Variants in GNA11 observed in about 807,000 individuals in gnomAD.
GNA11 encodes G protein subunit alpha 11, also known as guanine nucleotide-binding protein subunit alpha-11.
A neutral mutation model predicts 38.2 loss-of-function variants in GNA11; 8 were observed. The ratio of observed to expected loss-of-function variants is 0.21; its 90% CI spans 0.12 to 0.38. GNA11 has a LOEUF of 0.38. Among genes scored for constraint, GNA11 ranks in the 10% least tolerant of loss-of-function variants. The probability of loss-of-function intolerance (pLI) is 1.00; values close to 1 mark genes in which losing one functional copy is unlikely to be tolerated. For synonymous variants in GNA11, 211 were observed against 221.4 expected, an observed-to-expected ratio of 0.95 and a Z score of 0.42; for missense variants, 268 against 516.3, an observed-to-expected ratio of 0.52 and a Z score of 4.66.
intron 4 of GNA11, among the ~76,000 whole-genome samples, chr19:3,115,987 C>G (rs957464332): frequency 1.5e-5 from 2 of 135,754 alleles, no homozygotes; most frequent in African/African-American, 3.2e-5. Flanking sequence ...GAGGAGGGGT[C>G]ATAGGGACTG....
At chr19:3,095,583 A>C (rs1913344052) in intron 1 of GNA11, among the ~76,000 whole-genome samples, 1 of 142,692 alleles carries the variant, frequency 7.0e-6, no homozygotes, top group African/African-American at 2.7e-5. Context: ...CTTCAGGGCC[A>C]TTCTCCTGCC....
At chr19:3,104,003 G>A (rs913922792) in intron 1 of GNA11, among the ~76,000 whole-genome samples, 2 of 152,120 alleles carry the variant, frequency 1.3e-5, no homozygotes, top group African/African-American at 4.8e-5. Flanking sequence ...AAATTTTTTG[G>A]TAGAGACGGG....
At chr19:3,109,186 C>T (rs530511756) in intron 1 of GNA11, among the ~76,000 whole-genome samples, 3 of 152,168 alleles carry the variant, frequency 2.0e-5, no homozygotes, top group Admixed American at 2.0e-4. Flanking sequence ...GGCATCCCAG[C>T]GTGTGAGGGT....
chr19:3,116,096 G>A (rs889389210), intron 4 of GNA11, among the ~76,000 whole-genome samples: 2 of 151,990 alleles, frequency 1.3e-5, no homozygotes, highest in African/African-American at 2.4e-5. Flanking sequence ...CTGGGCCTCC[G>A]GGGCTCCAGG....
rs1397346454 is a variant in GNA11 at position 3,123,590 on chromosome 19, C to G, written c.*2411C>G. On this transcript the variant is annotated 3_prime_UTR_variant, in exon 7 of 7. Transcript: ENST00000078429. ...CCACCTTCTCCGACCATGTTACGCCCGGGCGGCAGCAGCCCCCGGCCACTG... is the reference window on the plus strand; with the variant it reads ...CCACCTTCTCCGACCATGTTACGCCGGGGCGGCAGCAGCCCCCGGCCACTG... 4.3e-6 allele frequency: 1 copy of G among 233,016 alleles called. No individual in the cohort carries two copies. Among genetic ancestry groups the G allele is most frequent in the Non-Finnish European group, 8.5e-6 (1 of 117,962 alleles). The allele number at this position is 233,016 out of a possible 1,614,324, so 14.4% of individuals were successfully genotyped here.
Position 3,121,276 on chromosome 19 carries a change from C to A in GNA11, c.*97C>A. ...GGCGGGTGGCGCTGCCGAGTCCGGGCCGGGGCCTCTGCCCGCGGGAGGAGA... is the reference window on the plus strand; with the variant it reads ...GGCGGGTGGCGCTGCCGAGTCCGGGACGGGGCCTCTGCCCGCGGGAGGAGA... On this transcript the variant is annotated 3_prime_UTR_variant, in exon 7 of 7. Transcript: ENST00000078429. The A allele has an allele frequency of 1.2e-6, 1 of 856,766 alleles. No homozygotes were observed. Among genetic ancestry groups the A allele is most frequent in the Non-Finnish European group, 1.8e-6 (1 of 548,282 alleles). The allele number at this position is 856,766 out of a possible 1,614,324, so 53.1% of individuals were successfully genotyped here. A position where few individuals can be genotyped will look rare whatever the true frequency, so the allele number is the denominator to read the frequency against.
chr19:3,113,349 G>A lies in GNA11; in HGVS notation c.341G>A (p.Arg114Gln), dbSNP rs541350337. 1.3e-5 allele frequency: 21 copies of A among 1,613,404 alleles called. No individual in the cohort carries two copies. Among genetic ancestry groups the A allele is most frequent in the East Asian group, 2.2e-5 (1 of 44,866 alleles). The change falls in exon 3 of 7, where the codon CGG becomes CAG. Residue 114 changes from arginine (R) to glutamine (Q), a missense_variant. Coordinates refer to ENST00000078429, the MANE Select transcript of GNA11 (RefSeq NM_002067.5). The part of the protein sequence containing the change: ...EQNKANALLI[R>Q]EVDVEKVTTF... ...TCGCAGGCCAATGCGCTCCTGATCC[G>A]GGAGGTGGACGTGGAGAAGGTGACC...
At chr19:3,096,361 C>T (rs1323152825) in intron 1 of GNA11, among the ~76,000 whole-genome samples, 2 of 152,190 alleles carry the variant, frequency 1.3e-5, no homozygotes, top group Non-Finnish European at 2.9e-5. Flanking sequence ...GCACTTTGCA[C>T]AGAGTGGCAC....
In GNA11 at chr19:3,121,212, C is replaced by T. The variant is rs1483254664; in HGVS notation, c.*33C>T. 5.8e-6 allele frequency: 9 copies of T among 1,540,160 alleles called. No homozygotes were observed. The highest frequency in any genetic ancestry group is 1.4e-5 in the African/African-American group (1 of 73,134). On this transcript the variant is annotated 3_prime_UTR_variant, in exon 7 of 7. Transcript: ENST00000078429. ...GGCCCAGGGAGACGGGATGGAGACA[C>T]GGGGCAGGACCTTCCTTCCACGGAG...
rs1002228454 is a variant in GNA11, at chr19:3,108,849, G to A, written c.137-1300G>A. Among the ~76,000 whole-genome samples, 1 of 152,112 alleles carries A rather than the reference G, an allele frequency of 6.6e-6. No individual in the cohort carries two copies. Among genetic ancestry groups the A allele is most frequent in the Non-Finnish European group, 1.5e-5 (1 of 68,034 alleles). ...TGAAGGCTGGACTGGAGCTGGAGGA[G>A]CCACTCACAAGTTGGCTCCCTCTAG... On this transcript the variant is annotated intron_variant, in intron 1 of 6. Coordinates refer to ENST00000078429, the MANE Select transcript of GNA11 (RefSeq NM_002067.5). The surrounding 1 kb of genome is among the most constrained non-coding windows in gnomAD (Gnocchi z 4.5).
chr19:3,119,734 G>A lies in GNA11; in HGVS notation c.889+375G>A, dbSNP rs1599308050. Among the ~76,000 whole-genome samples, 2 of 151,678 alleles carry A rather than the reference G, an allele frequency of 1.3e-5. No individual in the cohort carries two copies. The highest frequency in any genetic ancestry group is 2.1e-4 in the South Asian group (1 of 4,800). On this transcript the variant is annotated intron_variant, in intron 6 of 6. Coordinates refer to ENST00000078429, the MANE Select transcript of GNA11 (RefSeq NM_002067.5). This position sits in a 1 kb window ranked among gnomAD's most constrained non-coding sequence, Gnocchi z 4.6. ...GGGTCTTGTACGGGAGGGAGTTGTC[G>A]TATGGGGGTGTCCTGTATAGGTGAT...
chr19:3,114,002 C>T (rs578186095), intron 3 of GNA11, among the ~76,000 whole-genome samples: 60 of 152,278 alleles, frequency 3.9e-4, no homozygotes, highest in African/African-American at 1.4e-3. Flanking sequence ...GGGCCATGGC[C>T]GCAGGTGGAG....
chr19:3,102,464 G>T (rs778893628), intron 1 of GNA11, among the ~76,000 whole-genome samples: 1 of 152,202 alleles, frequency 6.6e-6, no homozygotes, highest in African/African-American at 2.4e-5. Context: ...CTCTCAGGGC[G>T]CCCCCTTGTC....
Position 3,122,154 on chromosome 19 carries a change from C to T in GNA11, c.*975C>T, listed in dbSNP as rs559912084. 43 of 233,236 alleles carry T rather than the reference C, an allele frequency of 1.8e-4. No homozygotes were observed. Among genetic ancestry groups the T allele is most frequent in the East Asian group, 3.6e-4 (6 of 16,558 alleles). The allele number at this position is 233,236 out of a possible 1,614,324, so 14.4% of individuals were successfully genotyped here. A position where few individuals can be genotyped will look rare whatever the true frequency, so the allele number is the denominator to read the frequency against. ...GGGAGAAAGGCCACTTGGATGGGGG[C>T]GTTTCTGTTTTGTTCCGCTTTGTGA... is the stretch of plus-strand genomic sequence containing the variant. On this transcript the variant is annotated 3_prime_UTR_variant, in exon 7 of 7. Coordinates refer to ENST00000078429, the MANE Select transcript of GNA11 (RefSeq NM_002067.5). This position sits in a 1 kb window ranked among gnomAD's most constrained non-coding sequence, Gnocchi z 7.7.
rs776745993 is a variant in GNA11, at chr19:3,113,502, G to T, written c.476+18G>T. The stretch of plus-strand genomic sequence containing the variant: ...GCCAAGTAGTAAGTGCGGCCGCACC[G>T]CTGGCGGCCTGGGGACGGCAGCTGC... On this transcript the variant is annotated intron_variant, in intron 3 of 6. Transcript: ENST00000078429. 6.5e-7 allele frequency: 1 copy of T among 1,543,584 alleles called. No homozygotes were observed. The highest frequency in any genetic ancestry group is 1.7e-4 in the Middle Eastern group (1 of 5,798).
At position 3,120,153 on chromosome 19, in the gene GNA11, C is replaced by T. The variant is rs2145328043; in HGVS notation, c.889+794C>T. 6.6e-6 allele frequency among the ~76,000 whole-genome samples: 1 copy of T among 152,196 alleles called. No homozygotes were observed. The highest frequency in any genetic ancestry group is 1.9e-4 in the East Asian group (1 of 5,162). On this transcript the variant is annotated intron_variant, in intron 6 of 6. Coordinates refer to ENST00000078429, the MANE Select transcript of GNA11 (RefSeq NM_002067.5). The surrounding 1 kb of genome is among the most constrained non-coding windows in gnomAD (Gnocchi z 5.9). The stretch of plus-strand genomic sequence containing the variant: ...TCTCGGGTGTCATCTTCGGGAGGGC[C>T]CCTCAGGGTGCCCTGCCTCTGGATG...
rs2145326677 is a variant in GNA11 at position 3,119,134 on chromosome 19, C to T, written c.736-72C>T. 2 of 1,602,586 alleles carry T rather than the reference C, an allele frequency of 1.2e-6. No individual in the cohort carries two copies. Among genetic ancestry groups the T allele is most frequent in the Non-Finnish European group, 1.7e-6 (2 of 1,171,166 alleles). The stretch of plus-strand genomic sequence containing the variant: ...AAGCCTGGGTCCCCTCACCTGGGTC[C>T]CCCCAGCTGCCCCTTGGGCTGTGTG... On this transcript the variant is annotated intron_variant, in intron 5 of 6. Transcript: ENST00000078429. This position sits in a 1 kb window ranked among gnomAD's most constrained non-coding sequence, Gnocchi z 4.6.
rs761054897 is a variant in GNA11, at chr19:3,110,099, C to T, written c.137-50C>T. 7.5e-6 allele frequency: 11 copies of T among 1,457,202 alleles called. No homozygotes were observed. Among genetic ancestry groups the T allele is most frequent in the East Asian group, 2.4e-5 (1 of 41,190 alleles). 90.3% of individuals were successfully genotyped at this position (1,457,202 alleles called of 1,614,324 possible). On this transcript the variant is annotated intron_variant, in intron 1 of 6. Coordinates refer to ENST00000078429, the MANE Select transcript of GNA11 (RefSeq NM_002067.5). This position sits in a 1 kb window ranked among gnomAD's most constrained non-coding sequence, Gnocchi z 5.4. ...GTCTGGGTAAGAGGGGGCAGCAGCACGAGAGTCAGGCCCCGGCTGCCGCCC... is the reference window on the plus strand; with the variant it reads ...GTCTGGGTAAGAGGGGGCAGCAGCATGAGAGTCAGGCCCCGGCTGCCGCCC...
intron 4 of GNA11, among the ~76,000 whole-genome samples, chr19:3,115,875 AG>A (rs570867298): frequency 1.3e-4 from 3 of 23,522 alleles, no homozygotes; most frequent in Non-Finnish European, 1.6e-4. Context: ...TGAGGCTGTG[AG>A]GGGAGGAGGG....
Sources: allele counts gnomAD v4.1 joint callset (sites outside exome capture counted in the v4.1 genomes callset), GRCh38; gene constraint gnomAD v4.1.1; non-coding constraint Gnocchi (gnomAD v3.1); transcripts MANE v1.5; gene names NCBI Gene and HGNC (gene_info 2026-07-23, HGNC 2026-07-21).